TRAPPC3L: variants seen among roughly 807,000 people sequenced by gnomAD.
TRAPPC3L encodes trafficking protein particle complex subunit 3L.
In TRAPPC3L, 23 loss-of-function variants were observed where a neutral mutation model predicts 23.7. The observed-to-expected ratio is 0.97, with a 90% CI of 0.70 to 1.37. TRAPPC3L has a LOEUF of 1.37. Among genes scored for constraint, TRAPPC3L ranks in the 40% most tolerant of loss-of-function variants. TRAPPC3L has a pLI of 0.00. For missense variants in TRAPPC3L, 212 were observed against 216.8 expected, an observed-to-expected ratio of 0.98 and a Z score of 0.14; for synonymous variants, 81 against 77.9, an observed-to-expected ratio of 1.04 and a Z score of -0.21.
intron 3 of TRAPPC3L, among the ~76,000 whole-genome samples, chr6:116,528,123 T>C (rs113224852): frequency 5.3e-5 from 8 of 152,200 alleles, no homozygotes; most frequent in African/African-American, 1.9e-4. Context: ...ACTTGCAGAA[T>C]TTACTAAGAA....
intron 3 of TRAPPC3L, among the ~76,000 whole-genome samples, chr6:116,504,429 C>A (rs1423711332): frequency 6.6e-6 from 1 of 152,186 alleles, no homozygotes; most frequent in South Asian, 2.1e-4. Context: ...CAGACGGATT[C>A]ACAGCCAAAT....
chr6:116,530,468 G>A (rs1772630633), intron 3 of TRAPPC3L, among the ~76,000 whole-genome samples: 1 of 152,168 alleles, frequency 6.6e-6, no homozygotes, highest in South Asian at 2.1e-4. Context: ...GCAAACTTTT[G>A]TAATTGGTTC....
At chr6:116,516,797 C>T (rs1249129219) in intron 3 of TRAPPC3L, 2 of 149,560 alleles carry the variant, frequency 1.3e-5, no homozygotes, top group Non-Finnish European at 3.0e-5. Flanking sequence ...TATGTATTTT[C>T]TTCTGATTTT....
At chr6:116,509,103 A>C (rs1772060601) in intron 3 of TRAPPC3L, among the ~76,000 whole-genome samples, 1 of 151,556 alleles carries the variant, frequency 6.6e-6, no homozygotes, top group Non-Finnish European at 1.5e-5. Context: ...AAAAAAAAAA[A>C]AAAAAAAAAC....
Position 116,514,892 on chromosome 6 carries a change from C to A in TRAPPC3L, c.241-14226G>T, listed in dbSNP as rs538442763. Reference sequence around the variant, plus strand: ...AGTTTTCCAAACATAAAATTAATTTCAATTGTGAAAACAGAGTTAGAGCCA... The same window carrying A: ...AGTTTTCCAAACATAAAATTAATTTAAATTGTGAAAACAGAGTTAGAGCCA... On this transcript the variant is annotated intron_variant, in intron 3 of 4. Coordinates refer to ENST00000368602, the MANE Select transcript of TRAPPC3L (RefSeq NM_001139444.3). Among the ~76,000 whole-genome samples the A allele has an allele frequency of 2.0e-5, 3 of 152,228 alleles. No individual in the cohort carries two copies. The East Asian group carries it at 5.8e-4, about 29-fold the overall frequency.
chr6:116,522,313 A>C (rs1475415895), intron 3 of TRAPPC3L: 1 of 152,224 alleles, frequency 6.6e-6, no homozygotes, highest in Non-Finnish European at 1.5e-5. Flanking sequence ...GACCCCAAAA[A>C]TCATGAGCTT....
intron 1 of TRAPPC3L, among the ~76,000 whole-genome samples, chr6:116,544,085 G>A (rs1241510390): frequency 6.6e-6 from 1 of 150,654 alleles, no homozygotes; most frequent in East Asian, 1.9e-4. Flanking sequence ...ACATATAAGA[G>A]CCACAGCAGA....
intron 3 of TRAPPC3L, among the ~76,000 whole-genome samples, chr6:116,528,665 A>G (rs1199849638): frequency 6.6e-6 from 1 of 152,180 alleles, no homozygotes; most frequent in East Asian, 1.9e-4. Context: ...TCTCTACTCA[A>G]AACTGCTACT....
At chr6:116,530,918 T>C (rs1282662622) in intron 3 of TRAPPC3L, among the ~76,000 whole-genome samples, 1 of 141,214 alleles carries the variant, frequency 7.1e-6, no homozygotes, top group East Asian at 2.1e-4. Flanking sequence ...TATATATATA[T>C]ATATATATAT....
chr6:116,523,132 CAGGCTATTCTGGGGA>C (rs1269383398), intron 3 of TRAPPC3L: 1 of 151,792 alleles, frequency 6.6e-6, no homozygotes, highest in African/African-American at 2.4e-5. Context: ...CAGCACAGAG[CAGGCTATTCTGGGGA>C]AGGCAGGCTG....
intron 3 of TRAPPC3L, among the ~76,000 whole-genome samples, chr6:116,536,431 G>T (rs959212734): frequency 2.0e-5 from 3 of 152,174 alleles, no homozygotes; most frequent in Admixed American, 2.0e-4. Context: ...ACAAGAGAGG[G>T]GAATGTTATG....
At chr6:116,531,969 A>G (rs1772756600) in intron 3 of TRAPPC3L, among the ~76,000 whole-genome samples, 1 of 152,006 alleles carries the variant, frequency 6.6e-6, no homozygotes, top group Non-Finnish European at 1.5e-5. Context: ...GTTCGCTGTC[A>G]TTATTTAATA....
chr6:116,544,889 C>A (rs1773679247), intron 1 of TRAPPC3L, among the ~76,000 whole-genome samples: 1 of 151,936 alleles, frequency 6.6e-6, no homozygotes, highest in Admixed American at 6.6e-5. Context: ...TCTGTAGTAT[C>A]TGAGTGACTA....
At chr6:116,511,529 T>C (rs1772117953) in intron 3 of TRAPPC3L, 1 of 634,196 alleles carries the variant, frequency 1.6e-6, no homozygotes, top group African/African-American at 1.8e-5. Flanking sequence ...TATCTAAACA[T>C]GTTGAGAAAT....
At chr6:116,541,169 CTG>C (rs1455808769) in intron 2 of TRAPPC3L, among the ~76,000 whole-genome samples, 1 of 151,894 alleles carries the variant, frequency 6.6e-6, no homozygotes, top group Non-Finnish European at 1.5e-5. Context: ...TATACACACA[CTG>C]AATATGTAGC....
rs1226426296 is a variant in TRAPPC3L at position 116,540,399 on chromosome 6, G to C, written c.204C>G (p.Cys68Trp). 1.3e-6 allele frequency: 2 copies of C among 1,551,090 alleles called. No homozygotes were observed. Among genetic ancestry groups the C allele is most frequent in the Admixed American group, 2.0e-5 (1 of 50,954 alleles). The change falls in exon 3 of 5, where the codon TGC becomes TGG. Residue 68 changes from cysteine to tryptophan, a missense_variant. Cys to Trp is a radical substitution (Grantham distance 215). Coordinates refer to ENST00000368602, the MANE Select transcript of TRAPPC3L (RefSeq NM_001139444.3). ...DFLARSCVGR[C>W]HSYSEIIDII... ...TGTCTATAATTTCTGAATAACTATG[G>C]CATCTTCCCACGCAGGATCGAGCCA... is the stretch of plus-strand genomic sequence containing the variant.
At chr6:116,530,611 C>G (rs1583279575) in intron 3 of TRAPPC3L, among the ~76,000 whole-genome samples, 1 of 152,268 alleles carries the variant, frequency 6.6e-6, no homozygotes, top group Non-Finnish European at 1.5e-5. Context: ...ATGTCTGCCC[C>G]ACTCTTGCTA....
chr6:116,511,560 A>G, intron 3 of TRAPPC3L: 1 of 755,860 alleles, frequency 1.3e-6, no homozygotes, highest in South Asian at 1.8e-5. Flanking sequence ...AAGGAATGAC[A>G]TTGTTTCCTT....
At chr6:116,522,180 A>G (rs1033481062) in intron 3 of TRAPPC3L, 1 of 152,456 alleles carries the variant, frequency 6.6e-6, no homozygotes, top group Non-Finnish European at 1.5e-5. Flanking sequence ...AACAGTGAGA[A>G]TAAAAGGCCC....
Sources: allele counts gnomAD v4.1 joint callset (sites outside exome capture counted in the v4.1 genomes callset), GRCh38; gene constraint gnomAD v4.1.1; transcripts MANE v1.5; gene names NCBI Gene and HGNC (gene_info 2026-07-23, HGNC 2026-07-21).